The following THRAP3 variants were observed in gnomAD, a reference collection of about 807,000 sequenced individuals.
THRAP3 encodes the protein thyroid hormone receptor associated protein 3.
Under a neutral mutation model 101.0 loss-of-function variants are expected in THRAP3, and 16 were observed. That is an observed-to-expected ratio of 0.16 (90% CI 0.11 to 0.24). The LOEUF is 0.24. THRAP3 is among the 10% of genes least tolerant of loss of function. The probability of loss-of-function intolerance (pLI) is 1.00; values close to 1 mark genes in which losing one functional copy is unlikely to be tolerated. For synonymous variants in THRAP3, 407 were observed against 422.6 expected (o/e 0.96, Z 0.45); for missense variants, 989 against 1,202.7 (o/e 0.82, Z 2.63).
intron 4 of THRAP3, chr1:36,288,507 C>CT: frequency 1.0e-6 from 1 of 985,442 alleles, no homozygotes; most frequent in Non-Finnish European, 1.2e-6. Flanking sequence ...CTGTCACCCT[C>CT]TCCCCCATTA....
Position 36,304,726 on chromosome 1 carries a change from A to G in THRAP3, c.*709A>G, listed in dbSNP as rs1207493709. 11 of 214,902 alleles carry G rather than the reference A, an allele frequency of 5.1e-5. No individual in the cohort carries two copies. The highest frequency in any genetic ancestry group is 9.1e-5 in the African/African-American group (4 of 44,068). The allele number at this position is 214,902 out of a possible 1,614,324, so 13.3% of individuals were successfully genotyped here. On this transcript the variant is annotated 3_prime_UTR_variant, in exon 12 of 12. Coordinates refer to ENST00000354618, the MANE Select transcript of THRAP3 (RefSeq NM_005119.4). The stretch of plus-strand genomic sequence containing the variant: ...CACACCTCACGTGCCCCTGAGCCCT[A>G]TTTCCTGATTTCTTCTGGGCTGGAC...
At chr1:36,298,214 G>A (rs773454557) in intron 9 of THRAP3, among the ~76,000 whole-genome samples, 18 of 145,958 alleles carry the variant, frequency 1.2e-4, no homozygotes, top group Non-Finnish European at 2.1e-4. Context: ...GTTATACTTT[G>A]TCTCCCATTC....
intron 2 of THRAP3, among the ~76,000 whole-genome samples, chr1:36,262,857 G>A (rs903961100): frequency 2.0e-5 from 3 of 150,402 alleles, no homozygotes; most frequent in Non-Finnish European, 3.0e-5. Context: ...GCAGTGGCGC[G>A]ATCTCGGCTC....
At chr1:36,297,108 A>G (rs1467538878) in intron 9 of THRAP3, among the ~76,000 whole-genome samples, 2 of 152,172 alleles carry the variant, frequency 1.3e-5, no homozygotes, top group East Asian at 3.8e-4. Context: ...GGGAAGTTGT[A>G]TTTTAGAAAT....
intron 2 of THRAP3, among the ~76,000 whole-genome samples, chr1:36,261,308 A>G (rs925103233): frequency 3.8e-4 from 58 of 152,072 alleles, no homozygotes; most frequent in Admixed American, 3.7e-3. Flanking sequence ...CAAGGCGGGC[A>G]GATCACGAGG....
chr1:36,214,662 C>T, the THRAP3 span, among the ~76,000 whole-genome samples: 1 of 150,816 alleles, frequency 6.6e-6, no homozygotes, highest in East Asian at 2.0e-4. Context: ...AGTTCAAGAC[C>T]AGACTGACCA....
chr1:36,243,162 T>C (rs905453586), intron 1 of THRAP3, among the ~76,000 whole-genome samples: 2 of 147,734 alleles, frequency 1.4e-5, no homozygotes, highest in African/African-American at 5.2e-5. Flanking sequence ...TTTTTTTTTT[T>C]TTTTTTTTTT....
chr1:36,262,959 ATTTTTTTTTTTTT>A (rs55662646), intron 2 of THRAP3, among the ~76,000 whole-genome samples: 4 of 104,364 alleles, frequency 3.8e-5, no homozygotes, highest in Admixed American at 1.1e-4. Flanking sequence ...GGGCCGGCTA[ATTTTTTTTTTTTT>A]TTTTTTTTTT....
intron 1 of THRAP3, among the ~76,000 whole-genome samples, chr1:36,240,947 C>T (rs1645147596): frequency 1.3e-5 from 2 of 152,156 alleles, no homozygotes. Context: ...TGGCTCACGC[C>T]TGTAATCCCA....
chr1:36,224,853 C>T (rs991041710), intron 1 of THRAP3: 1 of 152,406 alleles, frequency 6.6e-6, no homozygotes, highest in Middle Eastern at 3.2e-3. Flanking sequence ...GATTTCTTTT[C>T]CCGGAACTCC....
chr1:36,277,877 A>C (rs1170090940), intron 2 of THRAP3, among the ~76,000 whole-genome samples: 1 of 151,908 alleles, frequency 6.6e-6, no homozygotes, highest in East Asian at 1.9e-4. Context: ...CTCCTGCCTC[A>C]GCCTCCCAAG....
At chr1:36,279,254 G>C (rs564382432) in intron 2 of THRAP3, among the ~76,000 whole-genome samples, 2 of 152,006 alleles carry the variant, frequency 1.3e-5, no homozygotes, top group Non-Finnish European at 2.9e-5. Flanking sequence ...TCCACCTGTT[G>C]TGTAAGTCAT....
intron 1 of THRAP3, among the ~76,000 whole-genome samples, chr1:36,252,565 C>T (rs1347849837): frequency 6.6e-6 from 1 of 152,082 alleles, no homozygotes; most frequent in Non-Finnish European, 1.5e-5. Context: ...TCTGTGGGTA[C>T]TTACATGACA....
intron 2 of THRAP3, among the ~76,000 whole-genome samples, chr1:36,268,721 T>C (rs1045121788): frequency 1.3e-5 from 2 of 150,464 alleles, no homozygotes; most frequent in East Asian, 3.9e-4. Flanking sequence ...CAATATGAGT[T>C]AATTTTTTTT....
chr1:36,293,795 A>G, intron 7 of THRAP3, 56 bp from the exon 8 acceptor site: 1 of 1,433,666 alleles, frequency 7.0e-7, no homozygotes, highest in Admixed American at 1.7e-5. Context: ...CTAGAATATT[A>G]CCAGTATCAT....
intron 2 of THRAP3, among the ~76,000 whole-genome samples, chr1:36,264,444 C>T (rs1375142883): frequency 6.6e-6 from 1 of 152,196 alleles, no homozygotes; most frequent in African/African-American, 2.4e-5. Context: ...GAACCCAGTT[C>T]GTTTTTGCTA....
At chr1:36,229,631 C>G (rs1271128163) in intron 1 of THRAP3, among the ~76,000 whole-genome samples, 1 of 150,660 alleles carries the variant, frequency 6.6e-6, no homozygotes, top group Admixed American at 6.6e-5. Context: ...AGAAATGGAG[C>G]TTTTTGTTTG....
In THRAP3 at chr1:36,295,306, A is replaced by G. The variant is rs561155428; in HGVS notation, c.2116-1277A>G. ...GTTAAACTTTTTTTTTTAAAAGTTT[A>G]GTAGTTCACATATGTAAACTATTAA... On this transcript the variant is annotated intron_variant, in intron 8 of 11. Coordinates refer to ENST00000354618, the MANE Select transcript of THRAP3 (RefSeq NM_005119.4). Among the ~76,000 whole-genome samples the G allele has an allele frequency of 2.4e-4, 36 of 150,834 alleles. 1 individual carries two copies. The South Asian group carries it at 7.1e-3, about 30-fold the overall frequency.
chr1:36,236,090 TAAAAA>T (rs562876630), intron 1 of THRAP3, among the ~76,000 whole-genome samples: 45 of 142,014 alleles, frequency 3.2e-4, no homozygotes, highest in African/African-American at 1.1e-3. Flanking sequence ...CTACTAAAAA[TAAAAA>T]AAAAAAATTA....
Sources: gnomAD v4.1 joint callset for allele counts (sites outside exome capture counted in the v4.1 genomes callset) on GRCh38, gnomAD v4.1.1 for gene constraint, MANE v1.5 for transcripts, NCBI Gene and HGNC (gene_info 2026-07-23, HGNC 2026-07-21) for gene names.